Variants in PLXDC2 observed in about 807,000 individuals in gnomAD.
PLXDC2 encodes the protein plexin domain-containing protein 2.
In PLXDC2, 40 loss-of-function variants were observed where a neutral mutation model predicts 68.9. The observed-to-expected ratio is 0.58, with a 90% CI of 0.45 to 0.76. The LOEUF (loss-of-function observed/expected upper bound fraction) is 0.76. PLXDC2 is among the 30% of genes least tolerant of loss of function. The pLI is 0.00. For synonymous variants in PLXDC2, 243 were observed against 234.2 expected, an observed-to-expected ratio of 1.04 and a Z score of -0.34; for missense variants, 644 against 661.9, an observed-to-expected ratio of 0.97 and a Z score of 0.30.
chr10:20,193,484 T>C (rs1184771160), intron 9 of PLXDC2, among the ~76,000 whole-genome samples: 1 of 152,020 alleles, frequency 6.6e-6, no homozygotes, highest in African/African-American at 2.4e-5. Flanking sequence ...ACTGATAGAA[T>C]AGTGTTTGCA....
chr10:19,975,712 G>C (rs946203836), intron 1 of PLXDC2, among the ~76,000 whole-genome samples: 1 of 152,044 alleles, frequency 6.6e-6, no homozygotes, highest in Admixed American at 6.6e-5. Context: ...TTGATTTACT[G>C]TCTGATTTTG....
rs561413417 is a variant in PLXDC2, at chr10:20,174,454, T to G, written c.884-2545T>G. On this transcript the variant is annotated intron_variant, in intron 7 of 13. Transcript: ENST00000377252. The stretch of plus-strand genomic sequence containing the variant: ...ATACCAAAATTTCACTGGATTAGAG[T>G]TCTTAAACAGTGTTTTCCAATGTGA... 3.3e-4 allele frequency among the ~76,000 whole-genome samples: 50 copies of G among 152,212 alleles called. 1 individual carries two copies. The South Asian group carries it at 8.9e-3, about 27-fold the overall frequency.
chr10:19,963,238 G>T (rs1415440945), intron 1 of PLXDC2, among the ~76,000 whole-genome samples: 1 of 152,054 alleles, frequency 6.6e-6, no homozygotes, highest in Admixed American at 6.6e-5. Context: ...ACTAGAGTAT[G>T]AACACTTTCC....
intron 1 of PLXDC2, among the ~76,000 whole-genome samples, chr10:19,919,342 A>G (rs998064371): frequency 1.3e-5 from 2 of 151,998 alleles, no homozygotes; most frequent in Non-Finnish European, 2.9e-5. Flanking sequence ...TTATTAAAAA[A>G]GGACATTATC....
intron 1 of PLXDC2, among the ~76,000 whole-genome samples, chr10:19,977,088 G>A (rs1834469601): frequency 1.3e-5 from 2 of 152,206 alleles, no homozygotes; most frequent in African/African-American, 4.8e-5. Flanking sequence ...TGTCAGTTGA[G>A]TCTCACTTGT....
At chr10:19,934,023 G>A (rs1409165770) in intron 1 of PLXDC2, among the ~76,000 whole-genome samples, 1 of 152,066 alleles carries the variant, frequency 6.6e-6, no homozygotes, top group African/African-American at 2.4e-5. Context: ...AATAATAATT[G>A]CAAAGTCCTA....
intron 1 of PLXDC2, among the ~76,000 whole-genome samples, chr10:19,967,956 C>A (rs991515751): frequency 6.6e-6 from 1 of 152,108 alleles, no homozygotes; most frequent in African/African-American, 2.4e-5. Flanking sequence ...GAAAAGGGAA[C>A]AAATATTATG....
intron 1 of PLXDC2, among the ~76,000 whole-genome samples, chr10:19,877,650 A>G (rs922085687): frequency 6.6e-6 from 1 of 152,230 alleles, no homozygotes; most frequent in East Asian, 1.9e-4. Flanking sequence ...TGGATCGATG[A>G]AGTAGATGGC....
chr10:20,131,489 T>C (rs1040006016), intron 4 of PLXDC2, among the ~76,000 whole-genome samples: 4 of 152,158 alleles, frequency 2.6e-5, no homozygotes, highest in Non-Finnish European at 5.9e-5. Flanking sequence ...AACCTCCGCC[T>C]CCTGAGTTCG....
intron 1 of PLXDC2, among the ~76,000 whole-genome samples, chr10:19,938,635 T>A (rs1180045515): frequency 2.0e-5 from 3 of 152,240 alleles, no homozygotes; most frequent in Middle Eastern, 3.4e-3. Flanking sequence ...CTACCTCCAA[T>A]GTGGGTATTA....
At chr10:20,247,177 T>G (rs556789542) in intron 13 of PLXDC2, among the ~76,000 whole-genome samples, 1 of 151,656 alleles carries the variant, frequency 6.6e-6, no homozygotes, top group East Asian at 2.0e-4. Context: ...AAATTCCTCC[T>G]GGTGAGGTAT....
intron 4 of PLXDC2, among the ~76,000 whole-genome samples, chr10:20,122,768 T>G (rs1309163949): frequency 6.6e-6 from 1 of 152,164 alleles, no homozygotes; most frequent in Non-Finnish European, 1.5e-5. Flanking sequence ...TTGTACACCT[T>G]GAAGGCGAGG....
At chr10:20,080,782 AC>A (rs1395559277) in intron 4 of PLXDC2, among the ~76,000 whole-genome samples, 5 of 152,186 alleles carry the variant, frequency 3.3e-5, no homozygotes, top group African/African-American at 1.2e-4. Context: ...TGACCCCATC[AC>A]ACAAGGCAAA....
At chr10:19,859,564 A>T (rs1437044506) in intron 1 of PLXDC2, among the ~76,000 whole-genome samples, 1 of 152,184 alleles carries the variant, frequency 6.6e-6, no homozygotes, top group East Asian at 1.9e-4. Flanking sequence ...TTATAGGTCA[A>T]GTAAGCTGTA....
chr10:19,843,338 C>T (rs901762051), intron 1 of PLXDC2, among the ~76,000 whole-genome samples: 1 of 151,880 alleles, frequency 6.6e-6, no homozygotes, highest in African/African-American at 2.4e-5. Flanking sequence ...TATCCAATAT[C>T]GATTTATTCT....
At chr10:19,944,760 G>A (rs975001474) in intron 1 of PLXDC2, among the ~76,000 whole-genome samples, 3 of 152,164 alleles carry the variant, frequency 2.0e-5, no homozygotes, top group African/African-American at 7.2e-5. Context: ...AGACCAGCCT[G>A]GCCAACATGA....
chr10:19,987,770 T>A (rs1834671276), intron 1 of PLXDC2, among the ~76,000 whole-genome samples: 1 of 151,994 alleles, frequency 6.6e-6, no homozygotes, highest in African/African-American at 2.4e-5. Flanking sequence ...TTCACCTTGT[T>A]GGCCAGGATG....
At chr10:19,817,334 G>T in intron 1 of PLXDC2, 143 bp downstream of exon 1, 1 of 714,658 alleles carries the variant, frequency 1.4e-6, no homozygotes, top group Non-Finnish European at 2.3e-6. Flanking sequence ...CTAAACTTAG[G>T]CTTCCCAAAT....
intron 4 of PLXDC2, among the ~76,000 whole-genome samples, chr10:20,121,463 C>T (rs1010586138): frequency 1.3e-5 from 2 of 151,998 alleles, no homozygotes; most frequent in Non-Finnish European, 2.9e-5. Flanking sequence ...AGAATTATGC[C>T]GAGATAGGTA....
Sources: gnomAD v4.1 joint callset for allele counts (sites outside exome capture counted in the v4.1 genomes callset) on GRCh38, gnomAD v4.1.1 for gene constraint, MANE v1.5 for transcripts, NCBI Gene and HGNC (gene_info 2026-07-23, HGNC 2026-07-21) for gene names.